EPHA3: variants seen among roughly 807,000 people sequenced by gnomAD.
EPHA3 encodes the protein EPH receptor A3, also known as ephrin type-A receptor 3.
In EPHA3, 42 loss-of-function variants were observed where a neutral mutation model predicts 107.1. The observed-to-expected ratio is 0.39, with a 90% confidence interval of 0.31 to 0.51. EPHA3 has a LOEUF of 0.51. Among genes scored for constraint, EPHA3 ranks in the 20% least tolerant of loss-of-function variants. The pLI, the probability that EPHA3 is intolerant of heterozygous loss-of-function variation, is 0.78. For missense variants in EPHA3, 1,183 were observed against 1,211.2 expected (o/e 0.98, Z 0.35); for synonymous variants, 461 against 424.8 (o/e 1.09, Z -1.05).
chr3:89,221,647 T>C (rs1704378890), intron 3 of EPHA3, among the ~76,000 whole-genome samples: 1 of 152,182 alleles, frequency 6.6e-6, no homozygotes, highest in Non-Finnish European at 1.5e-5. Context: ...GTGAGGAATA[T>C]ACCATTTGAT....
intron 2 of EPHA3, among the ~76,000 whole-genome samples, chr3:89,154,154 T>C (rs1686582254): frequency 6.6e-6 from 1 of 152,044 alleles, no homozygotes; most frequent in Non-Finnish European, 1.5e-5. Context: ...ACAATTATCA[T>C]CTTCTAATAT....
At chr3:89,136,329 G>GGTTTTTTTTTTTTTTT (rs1559747476) in intron 2 of EPHA3, among the ~76,000 whole-genome samples, 1 of 23,870 alleles carries the variant, frequency 4.2e-5, no homozygotes, top group Non-Finnish European at 8.6e-5. Flanking sequence ...AATCTTACAG[G>GGTTTTTTTTTTTTTTT]CTTTTTTTTT....
At chr3:89,289,609 A>G (rs1260708379) in intron 3 of EPHA3, among the ~76,000 whole-genome samples, 1 of 152,096 alleles carries the variant, frequency 6.6e-6, no homozygotes, top group Non-Finnish European at 1.5e-5. Context: ...ATTAATAGGT[A>G]CTGTATTGTT....
intron 11 of EPHA3, among the ~76,000 whole-genome samples, chr3:89,420,831 A>T (rs1234033395): frequency 6.6e-6 from 1 of 151,436 alleles, no homozygotes; most frequent in East Asian, 1.9e-4. Flanking sequence ...TTATGAAGCC[A>T]TTCTTCTAAC....
chr3:89,178,110 A>T (rs1198704726), intron 2 of EPHA3, among the ~76,000 whole-genome samples: 4 of 152,126 alleles, frequency 2.6e-5, no homozygotes, highest in African/African-American at 9.7e-5. Flanking sequence ...CTTTGTGGAT[A>T]GTCTTAAAGT....
intron 15 of EPHA3, among the ~76,000 whole-genome samples, chr3:89,458,036 T>C (rs929373918): frequency 3.3e-5 from 5 of 152,024 alleles, no homozygotes; most frequent in African/African-American, 1.2e-4. Context: ...AGGTCTGCCA[T>C]GCAGATAAGC....
intron 2 of EPHA3, among the ~76,000 whole-genome samples, chr3:89,177,265 G>C (rs1342162968): frequency 3.3e-5 from 5 of 152,142 alleles, no homozygotes; most frequent in Admixed American, 6.5e-5. Flanking sequence ...CTTTACATCT[G>C]ATCTGCAAAA....
chr3:89,333,025 C>A (rs1459880211), intron 3 of EPHA3, among the ~76,000 whole-genome samples: 10 of 152,086 alleles, frequency 6.6e-5, no homozygotes, highest in Non-Finnish European at 1.3e-4. Context: ...GCATTTGTTT[C>A]CCTTTCACTA....
At chr3:89,413,095 G>A (rs1253707524) in intron 9 of EPHA3, 46 bp from the exon 10 acceptor site, 11 of 1,602,328 alleles carry the variant, frequency 6.9e-6, no homozygotes, top group African/African-American at 1.3e-5. Context: ...ATAATTGTTT[G>A]TACAAATCTA....
chr3:89,445,171 C>A lies in EPHA3; in HGVS notation c.2347-4054C>A, dbSNP rs1236339380. 2.0e-5 allele frequency among the ~76,000 whole-genome samples: 3 copies of A among 152,104 alleles called. No individual in the cohort carries two copies. In the East Asian group the frequency reaches 5.8e-4, roughly 29 times the overall value. ...ATCCCAGCTACTAAGGAGGCTGAGG[C>A]ACAAGAATTGCTTGAGCCTGAGAGG... On this transcript the variant is annotated intron_variant, in intron 13 of 16. Coordinates refer to ENST00000336596, the MANE Select transcript of EPHA3 (RefSeq NM_005233.6).
chr3:89,238,595 A>G (rs1248351061), intron 3 of EPHA3, among the ~76,000 whole-genome samples: 1 of 152,134 alleles, frequency 6.6e-6, no homozygotes, highest in Admixed American at 6.6e-5. Context: ...ATTTCATTTT[A>G]CTGTTTTTAA....
intron 5 of EPHA3, among the ~76,000 whole-genome samples, chr3:89,348,305 T>A (rs1217603584): frequency 2.1e-5 from 3 of 141,000 alleles, no homozygotes; most frequent in African/African-American, 8.0e-5. Flanking sequence ...CTGTTATTGA[T>A]CTATTCAGAG....
chr3:89,186,691 C>T (rs1705576051), intron 2 of EPHA3, among the ~76,000 whole-genome samples: 1 of 152,146 alleles, frequency 6.6e-6, no homozygotes, highest in South Asian at 2.1e-4. Context: ...CCAGCTGGTG[C>T]TTTTTACAGT....
intron 3 of EPHA3, among the ~76,000 whole-genome samples, chr3:89,218,405 C>T (rs564933128): frequency 2.4e-4 from 36 of 150,582 alleles, no homozygotes; most frequent in African/African-American, 6.6e-4. Flanking sequence ...CTTGTCCTTG[C>T]GATAGTTTGC....
At chr3:89,302,586 A>G (rs1256975877) in intron 3 of EPHA3, among the ~76,000 whole-genome samples, 2 of 152,126 alleles carry the variant, frequency 1.3e-5, no homozygotes, top group Non-Finnish European at 2.9e-5. Flanking sequence ...AGAATACCAT[A>G]TGGTATTGAT....
chr3:89,139,690 T>C (rs1490104403), intron 2 of EPHA3, among the ~76,000 whole-genome samples: 1 of 151,666 alleles, frequency 6.6e-6, no homozygotes, highest in African/African-American at 2.4e-5. Flanking sequence ...TCTAGTGCAA[T>C]ACTCTAATTA....
chr3:89,352,796 G>A (rs534809193), intron 5 of EPHA3, among the ~76,000 whole-genome samples: 15 of 149,810 alleles, frequency 1.0e-4, no homozygotes, highest in East Asian at 9.8e-4. Flanking sequence ...CCAGCTACAC[G>A]GGAGGCTGAG....
intron 15 of EPHA3, among the ~76,000 whole-genome samples, chr3:89,453,849 G>A (rs1180173820): frequency 6.6e-6 from 1 of 152,094 alleles, no homozygotes. Context: ...AAATGTAGTG[G>A]CACCTGCACC....
At chr3:89,123,330 A>G (rs1707432329) in intron 1 of EPHA3, among the ~76,000 whole-genome samples, 1 of 151,986 alleles carries the variant, frequency 6.6e-6, no homozygotes, top group Non-Finnish European at 1.5e-5. Context: ...TTTAGTAGAG[A>G]TGAGTTTTCG....
Sources: allele counts gnomAD v4.1 joint callset (sites outside exome capture counted in the v4.1 genomes callset), GRCh38; gene constraint gnomAD v4.1.1; transcripts MANE v1.5; gene names NCBI Gene and HGNC (gene_info 2026-07-23, HGNC 2026-07-21).